Variants in PIK3CA observed in about 807,000 individuals in gnomAD.
PIK3CA encodes the protein phosphatidylinositol-4,5-bisphosphate 3-kinase catalytic subunit alpha, also known as phosphatidylinositol 4,5-bisphosphate 3-kinase catalytic subunit alpha isoform.
In PIK3CA, 27 loss-of-function variants were observed where a neutral mutation model predicts 138.2. The observed-to-expected ratio is 0.20, with a 90% CI of 0.14 to 0.27. The LOEUF (loss-of-function observed/expected upper bound fraction) is 0.27, where lower values mean the gene tolerates loss of function less well. Among genes scored for constraint, PIK3CA ranks in the 10% least tolerant of loss-of-function variants. The probability of loss-of-function intolerance (pLI) is 1.00; values close to 1 mark genes in which losing one functional copy is unlikely to be tolerated. For synonymous variants in PIK3CA, 358 were observed against 413.2 expected (o/e 0.87, Z 1.62); for missense variants, 544 against 1,277.4 (o/e 0.43, Z 8.75).
chr3:179,193,808 C>A (rs945124888), intron 1 of PIK3CA, among the ~76,000 whole-genome samples: 1 of 152,192 alleles, frequency 6.6e-6, no homozygotes, highest in Non-Finnish European at 1.5e-5. Flanking sequence ...ATCTTTAGTC[C>A]TGGCATTCTG....
chr3:179,178,284 A>G (rs1344888345), intron 1 of PIK3CA, among the ~76,000 whole-genome samples: 2 of 150,492 alleles, frequency 1.3e-5, no homozygotes, highest in African/African-American at 2.4e-5. Flanking sequence ...AAAAAAACTC[A>G]GAAATTAACA....
At chr3:179,148,165 G>C (rs1223865108), upstream of PIK3CA, 2 of 150,206 alleles carry the variant, frequency 1.3e-5, no homozygotes, top group African/African-American at 5.0e-5. Context: ...CTCTTCTGCC[G>C]GAGGAGGGGG....
At position 179,209,545 on chromosome 3, in the gene PIK3CA, T is replaced by C. The variant is rs529212550; in HGVS notation, c.1146-50T>C. 8.1e-6 allele frequency: 9 copies of C among 1,109,452 alleles called. No individual in the cohort carries two copies. The East Asian group carries it at 2.0e-4, about 24-fold the overall frequency. 68.7% of individuals were successfully genotyped at this position (1,109,452 alleles called of 1,614,324 possible). A position where few individuals can be genotyped will look rare whatever the true frequency, so the allele number is the denominator to read the frequency against. On this transcript the variant is annotated intron_variant, in intron 6 of 20. Coordinates refer to ENST00000263967, the MANE Select transcript of PIK3CA (RefSeq NM_006218.4). Reference sequence around the variant, plus strand: ...ATTTGTAGGAGTCATTTATATACTTTGATGAAGACTTTTCTTGATGTATTA... The same window carrying C: ...ATTTGTAGGAGTCATTTATATACTTCGATGAAGACTTTTCTTGATGTATTA...
rs1247108710 is a variant in PIK3CA, at chr3:179,237,948, C to G, written c.*3584C>G. 1 of 213,004 alleles carries G rather than the reference C, an allele frequency of 4.7e-6. No homozygotes were observed. Among genetic ancestry groups the G allele is most frequent in the Non-Finnish European group, 9.5e-6 (1 of 105,346 alleles). 13.2% of individuals were successfully genotyped at this position (213,004 alleles called of 1,614,324 possible). On this transcript the variant is annotated 3_prime_UTR_variant, in exon 21 of 21. Transcript: ENST00000263967. The stretch of plus-strand genomic sequence containing the variant: ...TAAGAAATTATTTTGATGTCCAAGA[C>G]ATCACTAAAATATTTAAGTTTAAAG...
chr3:179,196,479 T>C (rs1228542734), intron 1 of PIK3CA, among the ~76,000 whole-genome samples: 3 of 152,242 alleles, frequency 2.0e-5, no homozygotes, highest in Admixed American at 6.5e-5. Context: ...TTTTGACATG[T>C]AGGAAAAAGG....
In PIK3CA at chr3:179,162,929, G is replaced by A. The variant is rs536534552; in HGVS notation, c.-77+14326G>A. On this transcript the variant is annotated intron_variant, in intron 1 of 20. Transcript: ENST00000263967. ...TCTGAGAAACTATAAACAGATAAAAGTAAGGTATCTTTTGAGTGGAAAATG... is the reference window on the plus strand; with the variant it reads ...TCTGAGAAACTATAAACAGATAAAAATAAGGTATCTTTTGAGTGGAAAATG... Among the ~76,000 whole-genome samples the A allele has an allele frequency of 4.0e-5, 6 of 151,840 alleles. No homozygotes were observed. The South Asian group carries it at 1.2e-3, about 32-fold the overall frequency.
rs1315130752 is a variant in PIK3CA, at chr3:179,201,555, T to A, written c.813+15T>A. 6.6e-7 allele frequency: 1 copy of A among 1,513,590 alleles called. No individual in the cohort carries two copies. The highest frequency in any genetic ancestry group is 2.3e-5 in the East Asian group (1 of 43,742). 93.8% of individuals were successfully genotyped at this position (1,513,590 alleles called of 1,614,324 possible). On this transcript the variant is annotated intron_variant, in intron 4 of 20. Coordinates refer to ENST00000263967, the MANE Select transcript of PIK3CA (RefSeq NM_006218.4). ...GTCAGTATAAGGTGAGTAACAAGTT[T>A]CAAAATATTAATTTTTAATTTAAAA...
chr3:179,224,297 TTC>T (rs369232497), intron 15 of PIK3CA, 110 bp downstream of exon 15: 4 of 578,714 alleles, frequency 6.9e-6, no homozygotes, highest in Non-Finnish European at 1.2e-5. Context: ...TAATTTATGC[TTC>T]TCTCTCTCAT....
chr3:179,158,779 T>C (rs1723202878), intron 1 of PIK3CA, among the ~76,000 whole-genome samples: 1 of 152,178 alleles, frequency 6.6e-6, no homozygotes, highest in Non-Finnish European at 1.5e-5. Flanking sequence ...GTTCAATCTC[T>C]AAGTCTTTGC....
rs1299607187 is a variant in PIK3CA, at chr3:179,239,344, G to A, written c.*4980G>A. 5.0e-6 allele frequency: 1 copy of A among 201,384 alleles called. No individual in the cohort carries two copies. Among genetic ancestry groups the A allele is most frequent in the Non-Finnish European group, 1.0e-5 (1 of 97,852 alleles). 12.5% of individuals were successfully genotyped at this position (201,384 alleles called of 1,614,324 possible). Reference sequence around the variant, plus strand: ...TTTGTCAATTTTTCTAGGTTGGCAAGGAGGCAGAAAACCTTCATTGTTTCA... The same window carrying A: ...TTTGTCAATTTTTCTAGGTTGGCAAAGAGGCAGAAAACCTTCATTGTTTCA... On this transcript the variant is annotated 3_prime_UTR_variant, in exon 21 of 21. Coordinates refer to ENST00000263967, the MANE Select transcript of PIK3CA (RefSeq NM_006218.4).
chr3:179,150,170 C>CGTGTGTGTGTGTGTGTGT (rs35995073), intron 1 of PIK3CA, among the ~76,000 whole-genome samples: 11 of 147,148 alleles, frequency 7.5e-5, no homozygotes, highest in East Asian at 4.0e-4. Context: ...TGTGTGTTTA[C>CGTGTGTGTGTGTGTGTGT]GTGTGTGTGT....
At chr3:179,215,151 T>C (rs1724808729) in intron 9 of PIK3CA, among the ~76,000 whole-genome samples, 1 of 152,204 alleles carries the variant, frequency 6.6e-6, no homozygotes, top group African/African-American at 2.4e-5. Flanking sequence ...TTAGGAAATT[T>C]ATTGATTCAT....
intron 1 of PIK3CA, among the ~76,000 whole-genome samples, chr3:179,170,483 A>C (rs960392743): frequency 1.3e-5 from 2 of 152,202 alleles, no homozygotes; most frequent in Non-Finnish European, 2.9e-5. Flanking sequence ...AAGTGTGATA[A>C]ACATGCTTTC....
chr3:179,154,380 A>G (rs1272282270), intron 1 of PIK3CA, among the ~76,000 whole-genome samples: 1 of 152,120 alleles, frequency 6.6e-6, no homozygotes, highest in Non-Finnish European at 1.5e-5. Flanking sequence ...TGAACTGCAC[A>G]TGCAAGGGAT....
In PIK3CA at chr3:179,203,566, T is replaced by G; in HGVS notation, c.836T>G (p.Leu279Arg). 1 of 1,613,926 alleles carries G rather than the reference T, an allele frequency of 6.2e-7. No homozygotes were observed. The highest frequency in any genetic ancestry group is 8.5e-7 in the Non-Finnish European group (1 of 1,179,928). ...QYKYIRSCIM[L>R]GRMPNLMLMA... ...CAGTATATAAGAAGCTGTATAATGC[T>G]TGGGAGGATGCCCAATTTGATGTTG... is the stretch of plus-strand genomic sequence containing the variant. The change falls in exon 5 of 21, where the codon CTT becomes CGT. Residue 279 changes from leucine (L) to arginine (R), a missense_variant. Physicochemically the swap from Leu to Arg is moderately radical, Grantham distance 102. Around this residue, in one of 14 missense-constraint regions of PIK3CA, gnomAD observed 234 missense variants for 401.3 expected, o/e 0.58. Transcript: ENST00000263967.
intron 1 of PIK3CA, among the ~76,000 whole-genome samples, chr3:179,189,230 TAAAAA>T (rs1448473422): frequency 1.3e-5 from 2 of 151,736 alleles, no homozygotes; most frequent in African/African-American, 4.8e-5. Flanking sequence ...AAAGTAAAAA[TAAAAA>T]AATAAAATTC....
At chr3:179,194,509 A>T (rs1018116195) in intron 1 of PIK3CA, among the ~76,000 whole-genome samples, 3 of 151,988 alleles carry the variant, frequency 2.0e-5, no homozygotes, top group Non-Finnish European at 4.4e-5. Flanking sequence ...GTGAGCCACA[A>T]CCCCCAGCCC....
At chr3:179,197,406 G>T (rs749827977) in intron 1 of PIK3CA, among the ~76,000 whole-genome samples, 2 of 152,096 alleles carry the variant, frequency 1.3e-5, no homozygotes, top group Non-Finnish European at 2.9e-5. Flanking sequence ...CTTGATGACC[G>T]CATTATGTGC....
chr3:179,214,435 G>A (rs1368360263), intron 9 of PIK3CA, among the ~76,000 whole-genome samples: 4 of 152,032 alleles, frequency 2.6e-5, no homozygotes, highest in African/African-American at 7.2e-5. Context: ...AAGGTTGGTC[G>A]GTGAAGAAGT....
Sources: allele counts gnomAD v4.1 joint callset (sites outside exome capture counted in the v4.1 genomes callset), GRCh38; gene constraint gnomAD v4.1.1; regional missense constraint gnomAD v4.1.1; transcripts MANE v1.5; gene names NCBI Gene and HGNC (gene_info 2026-07-23, HGNC 2026-07-21).